Variants in ARHGEF2 observed in about 807,000 individuals in gnomAD.
ARHGEF2 encodes the protein rho guanine nucleotide exchange factor 2.
A neutral mutation model predicts 121.0 loss-of-function variants in ARHGEF2; 22 were observed. The ratio of observed to expected loss-of-function variants is 0.18; its 90% confidence interval spans 0.13 to 0.26. The LOEUF (loss-of-function observed/expected upper bound fraction) is 0.26. Among genes scored for constraint, ARHGEF2 ranks in the 10% least tolerant of loss-of-function variants. The pLI is 1.00. For synonymous variants in ARHGEF2, 487 were observed against 530.0 expected (o/e 0.92, Z 1.11); for missense variants, 907 against 1,336.0 (o/e 0.68, Z 5.01).
At chr1:155,969,652 T>G in intron 1 of ARHGEF2, 1 of 1,101,552 alleles carries the variant, frequency 9.1e-7, no homozygotes, top group Non-Finnish European at 1.1e-6. Flanking sequence ...CTGTACTCTC[T>G]TCTCTGTGCT....
Position 155,978,544 on chromosome 1 carries a change from A to G in ARHGEF2, c.-117T>C. ...GTTGGTCTCGGGGACAGGAAGTCTG[A>G]CTCCCCTCGCCCGGCACCCAGCACC... On this transcript the variant is annotated 5_prime_UTR_variant, in exon 1 of 22. Transcript: ENST00000361247. The surrounding 1 kb of genome is among the most constrained non-coding windows in gnomAD (Gnocchi z 4.1). 1 of 1,261,948 alleles carries G rather than the reference A, an allele frequency of 7.9e-7. No homozygotes were observed. Among genetic ancestry groups the G allele is most frequent in the South Asian group, 2.8e-5 (1 of 36,166 alleles). The allele number at this position is 1,261,948 out of a possible 1,614,324, so 78.2% of individuals were successfully genotyped here.
Position 155,961,917 on chromosome 1 carries a change from C to T in ARHGEF2, c.1220-8G>A, listed in dbSNP as rs562666536. 24 of 1,613,354 alleles carry T rather than the reference C, an allele frequency of 1.5e-5. No individual in the cohort carries two copies. Among genetic ancestry groups the T allele is most frequent in the East Asian group, 4.5e-5 (2 of 44,878 alleles). Reference sequence around the variant, plus strand: ...GGCGCTCCTCCTCGATCCCTGGCACCGGGGGTTGGCATGGGGAACGGCTCA... The same window carrying T: ...GGCGCTCCTCCTCGATCCCTGGCACTGGGGGTTGGCATGGGGAACGGCTCA... On this transcript the variant is annotated splice_polypyrimidine_tract_variant and splice_region_variant and intron_variant, in intron 10 of 21. Coordinates refer to ENST00000361247, the MANE Select transcript of ARHGEF2 (RefSeq NM_001162383.2). This position sits in a 1 kb window ranked among gnomAD's most constrained non-coding sequence, Gnocchi z 4.7.
At position 155,961,568 on chromosome 1, in the gene ARHGEF2, C is replaced by T; in HGVS notation, c.1468+93G>A. 1 of 1,528,248 alleles carries T rather than the reference C, an allele frequency of 6.5e-7. No homozygotes were observed. Among genetic ancestry groups the T allele is most frequent in the Non-Finnish European group, 8.8e-7 (1 of 1,138,156 alleles). The allele number at this position is 1,528,248 out of a possible 1,614,324, so 94.7% of individuals were successfully genotyped here. A position where few individuals can be genotyped will look rare whatever the true frequency, so the allele number is the denominator to read the frequency against. On this transcript the variant is annotated intron_variant, in intron 11 of 21. Coordinates refer to ENST00000361247, the MANE Select transcript of ARHGEF2 (RefSeq NM_001162383.2). The surrounding 1 kb of genome is among the most constrained non-coding windows in gnomAD (Gnocchi z 4.7). ...GGATTACAGGCGTTGAGCCACTGCA[C>T]CCGGCCAAGAGAGGTTGATTCTAAG...
Position 155,965,245 on chromosome 1 carries a change from T to C in ARHGEF2, c.580+58A>G. 1 of 1,607,142 alleles carries C rather than the reference T, an allele frequency of 6.2e-7. No individual in the cohort carries two copies. The highest frequency in any genetic ancestry group is 8.5e-7 in the Non-Finnish European group (1 of 1,173,902). On this transcript the variant is annotated intron_variant, in intron 6 of 21. Coordinates refer to ENST00000361247, the MANE Select transcript of ARHGEF2 (RefSeq NM_001162383.2). This position sits in a 1 kb window ranked among gnomAD's most constrained non-coding sequence, Gnocchi z 6.0. ...CTTCCAGGCTACTCCCACCAGCCTC[T>C]CATCCCCCAGCCCCTCTTCATGTTC...
intron 1 of ARHGEF2, among the ~76,000 whole-genome samples, chr1:155,975,042 A>G (rs1681085218): frequency 7.1e-6 from 1 of 141,796 alleles, no homozygotes; most frequent in Non-Finnish European, 1.5e-5. Context: ...AGCTCCTCTC[A>G]GCCTTTTCTC....
intron 13 of ARHGEF2, among the ~76,000 whole-genome samples, chr1:155,956,342 A>G (rs987802762): frequency 6.8e-6 from 1 of 147,852 alleles, no homozygotes; most frequent in Non-Finnish European, 1.5e-5. Context: ...CAAGTGATCT[A>G]CCCGCCTCAG....
At chr1:155,963,220 G>T in intron 7 of ARHGEF2, 37 bp from the exon 8 acceptor site, 1 of 1,593,036 alleles carries the variant, frequency 6.3e-7, no homozygotes, top group African/African-American at 1.3e-5. Context: ...CTCTACCCTG[G>T]CTTGGCTAAA....
intron 14 of ARHGEF2, 115 bp downstream of exon 14, chr1:155,954,787 G>T: frequency 1.1e-6 from 1 of 934,664 alleles, no homozygotes; most frequent in Non-Finnish European, 1.6e-6. Flanking sequence ...ATATGTTTCA[G>T]TTGTGGATCT....
intron 1 of ARHGEF2, among the ~76,000 whole-genome samples, chr1:155,973,745 C>CAA (rs551270003): frequency 3.3e-4 from 34 of 101,802 alleles, no homozygotes; most frequent in African/African-American, 1.3e-3. Flanking sequence ...GACTCTGTCT[C>CAA]AAAAAAAAAA....
intron 1 of ARHGEF2, among the ~76,000 whole-genome samples, chr1:155,974,429 A>G (rs1413243989): frequency 2.0e-5 from 3 of 152,120 alleles, no homozygotes; most frequent in Non-Finnish European, 2.9e-5. Context: ...TATGAAGGGC[A>G]CTGAGTCCTG....
chr1:155,962,349 A>G lies in ARHGEF2; in HGVS notation c.1102-127T>C. 6.3e-6 allele frequency: 7 copies of G among 1,102,484 alleles called. No individual in the cohort carries two copies. Among genetic ancestry groups the G allele is most frequent in the Non-Finnish European group, 9.2e-6 (7 of 764,778 alleles). The allele number at this position is 1,102,484 out of a possible 1,614,324, so 68.3% of individuals were successfully genotyped here. A position where few individuals can be genotyped will look rare whatever the true frequency, so the allele number is the denominator to read the frequency against. On this transcript the variant is annotated intron_variant, in intron 9 of 21. Coordinates refer to ENST00000361247, the MANE Select transcript of ARHGEF2 (RefSeq NM_001162383.2). This position sits in a 1 kb window ranked among gnomAD's most constrained non-coding sequence, Gnocchi z 5.8. The stretch of plus-strand genomic sequence containing the variant: ...CTTGCCTAGGTGACATATCTGGAAA[A>G]TGGGGATAACAACGCCACAGGTTTG...
chr1:155,969,450 T>A (rs1680052750), intron 1 of ARHGEF2, 150 bp from the exon 2 acceptor site: 1 of 1,464,894 alleles, frequency 6.8e-7, no homozygotes, highest in African/African-American at 1.4e-5. Flanking sequence ...AGCCTGCAAC[T>A]GGGTGTCAGA....
At chr1:155,959,437 G>A (rs1342456766) in intron 11 of ARHGEF2, among the ~76,000 whole-genome samples, 2 of 152,004 alleles carry the variant, frequency 1.3e-5, no homozygotes, top group African/African-American at 2.4e-5. Flanking sequence ...TTGTAGAGAC[G>A]GGGTTTCACC....
chr1:155,954,253 G>A (rs1200388758), intron 14 of ARHGEF2, among the ~76,000 whole-genome samples: 2 of 149,254 alleles, frequency 1.3e-5, no homozygotes, highest in South Asian at 2.1e-4. Flanking sequence ...GATTAAAGGC[G>A]TGAGCCACTG....
At chr1:155,960,624 C>T (rs936956555) in intron 11 of ARHGEF2, among the ~76,000 whole-genome samples, 1 of 152,098 alleles carries the variant, frequency 6.6e-6, no homozygotes, top group South Asian at 2.1e-4. Flanking sequence ...GGTTTATATT[C>T]TTAGCTGCTG....
chr1:155,964,180 A>ATATACATATATATATATATATG (rs1678794808), intron 7 of ARHGEF2, among the ~76,000 whole-genome samples: 9 of 101,572 alleles, frequency 8.9e-5, no homozygotes, highest in South Asian at 3.2e-4. Flanking sequence ...ATATATATAT[A>ATATACATATATATATATATATG]TATATATATA....
At chr1:155,964,159 AAAAAAAAAATATATATATATATAT>A (rs1479372639) in intron 7 of ARHGEF2, among the ~76,000 whole-genome samples, 1 of 59,274 alleles carries the variant, frequency 1.7e-5, no homozygotes, top group Non-Finnish European at 3.0e-5. Context: ...AAAAAAAAAA[AAAAAAAAAATATATATATATATAT>A]ATATATATAT....
Position 155,962,045 on chromosome 1 carries a change from G to T in ARHGEF2, c.1219+60C>A. On this transcript the variant is annotated intron_variant, in intron 10 of 21. Transcript: ENST00000361247. The surrounding 1 kb of genome is among the most constrained non-coding windows in gnomAD (Gnocchi z 5.8). ...CCCACCCTTCCTGTGGTCATACCGA[G>T]CCTTTCCTCACCCCAGGTGGCCGTC... 1 of 1,607,652 alleles carries T rather than the reference G, an allele frequency of 6.2e-7. No individual in the cohort carries two copies.
Position 155,966,874 on chromosome 1 carries a change from A to G in ARHGEF2, c.222T>C (p.Thr74=), listed in dbSNP as rs1410974330. 7 of 1,613,620 alleles carry G rather than the reference A, an allele frequency of 4.3e-6. No individual in the cohort carries two copies. The highest frequency in any genetic ancestry group is 4.2e-6 in the Non-Finnish European group (5 of 1,179,816). The change falls in exon 3 of 22, where the codon ACT becomes ACC. Residue 74 remains threonine (T), a synonymous_variant. Coordinates refer to ENST00000361247, the MANE Select transcript of ARHGEF2 (RefSeq NM_001162383.2). The part of the protein sequence containing the change: ...EALICPTCNV[T]IHNRCKDTLA... Reference sequence around the variant, plus strand: ...GGGTGTCTTTACAGCGGTTGTGGATAGTCACATTGCAGGCTGGGAGGGTGG... The same window carrying G: ...GGGTGTCTTTACAGCGGTTGTGGATGGTCACATTGCAGGCTGGGAGGGTGG...
Sources: gnomAD v4.1 joint callset for allele counts (sites outside exome capture counted in the v4.1 genomes callset) on GRCh38, gnomAD v4.1.1 for gene constraint, Gnocchi (gnomAD v3.1) non-coding constraint, MANE v1.5 for transcripts, NCBI Gene and HGNC (gene_info 2026-07-23, HGNC 2026-07-21) for gene names.